GRIK2: variants seen among roughly 807,000 people sequenced by gnomAD.
GRIK2 encodes glutamate receptor ionotropic, kainate 2.
Under a neutral mutation model 100.3 loss-of-function variants are expected in GRIK2, and 32 were observed. The observed-to-expected ratio is 0.32, with a 90% CI of 0.24 to 0.43. GRIK2 has a LOEUF of 0.43. GRIK2 is among the 20% of genes least tolerant of loss of function. The pLI is 1.00. For missense variants in GRIK2, 843 were observed against 1,114.9 expected (o/e 0.76, Z 3.47); for synonymous variants, 417 against 389.4 (o/e 1.07, Z -0.83).
intron 7 of GRIK2, among the ~76,000 whole-genome samples, chr6:101,725,820 A>G (rs1774823761): frequency 6.6e-6 from 1 of 151,960 alleles, no homozygotes; most frequent in Non-Finnish European, 1.5e-5. Flanking sequence ...ATGTTTTTCA[A>G]ATGACATATT....
At chr6:101,548,535 A>C (rs1441129311) in intron 2 of GRIK2, among the ~76,000 whole-genome samples, 2 of 152,214 alleles carry the variant, frequency 1.3e-5, no homozygotes, top group Non-Finnish European at 2.9e-5. Context: ...AGCTTTCTAC[A>C]TATGGCTAGC....
intron 2 of GRIK2, among the ~76,000 whole-genome samples, chr6:101,612,622 C>T (rs1390592138): frequency 6.6e-6 from 1 of 151,628 alleles, no homozygotes; most frequent in Admixed American, 6.6e-5. Flanking sequence ...ACAATTAGTT[C>T]AGTGCAGTTA....
At chr6:101,864,639 A>G (rs1284818066) in intron 11 of GRIK2, among the ~76,000 whole-genome samples, 1 of 152,078 alleles carries the variant, frequency 6.6e-6, no homozygotes, top group African/African-American at 2.4e-5. Context: ...AAAAGTAGTT[A>G]TTATTATTAT....
intron 7 of GRIK2, among the ~76,000 whole-genome samples, chr6:101,703,562 G>C (rs536280919): frequency 1.3e-5 from 2 of 151,790 alleles, no homozygotes; most frequent in African/African-American, 2.4e-5. Context: ...AATGTGAGGT[G>C]AGAGAGAAGA....
At chr6:101,839,739 T>C (rs1403016584) in intron 10 of GRIK2, among the ~76,000 whole-genome samples, 1 of 152,138 alleles carries the variant, frequency 6.6e-6, no homozygotes, top group African/African-American at 2.4e-5. Context: ...TTGTAAGATA[T>C]ATGGGGGAAA....
At chr6:101,990,679 T>C (rs1338211041) in intron 14 of GRIK2, among the ~76,000 whole-genome samples, 1 of 151,566 alleles carries the variant, frequency 6.6e-6, no homozygotes, top group Non-Finnish European at 1.5e-5. Context: ...AGGGAGGATT[T>C]TGAGGGTGCT....
rs375902879 is a variant in GRIK2 at position 102,068,601 on chromosome 6, C to A, written c.*90C>A. 1 of 1,145,548 alleles carries A rather than the reference C, an allele frequency of 8.7e-7. No individual in the cohort carries two copies. Among genetic ancestry groups the A allele is most frequent in the Non-Finnish European group, 1.3e-6 (1 of 796,868 alleles). The allele number at this position is 1,145,548 out of a possible 1,614,324, so 71.0% of individuals were successfully genotyped here. ...TTCCTGTGGAAATATGCAACCTGTG[C>A]AAAATAAAATGAGTTACCTCATGCC... On this transcript the variant is annotated 3_prime_UTR_variant, in exon 17 of 17. Coordinates refer to ENST00000369134, the MANE Select transcript of GRIK2 (RefSeq NM_021956.5).
chr6:101,934,966 T>C (rs967691277), intron 14 of GRIK2, among the ~76,000 whole-genome samples: 12 of 152,008 alleles, frequency 7.9e-5, no homozygotes, highest in African/African-American at 2.7e-4. Flanking sequence ...TTTTTGAATT[T>C]TAGATATGTT....
chr6:101,865,172 C>T (rs574968321), intron 11 of GRIK2, among the ~76,000 whole-genome samples: 2 of 152,280 alleles, frequency 1.3e-5, no homozygotes, highest in South Asian at 4.1e-4. Flanking sequence ...GCTTAGAAAA[C>T]AACTATAGTA....
At chr6:101,506,266 T>C (rs931224025) in intron 2 of GRIK2, among the ~76,000 whole-genome samples, 4 of 152,244 alleles carry the variant, frequency 2.6e-5, no homozygotes, top group Admixed American at 1.3e-4. Flanking sequence ...TGGGACTTTT[T>C]TTCTTCCAAG....
intron 7 of GRIK2, among the ~76,000 whole-genome samples, chr6:101,785,371 C>T (rs758346873): frequency 6.6e-6 from 1 of 152,062 alleles, no homozygotes; most frequent in African/African-American, 2.4e-5. Context: ...CTTTTGGGTC[C>T]TTAGCCATAG....
chr6:101,653,665 C>T (rs184196492), intron 4 of GRIK2, among the ~76,000 whole-genome samples: 1 of 151,986 alleles, frequency 6.6e-6, no homozygotes, highest in Non-Finnish European at 1.5e-5. Flanking sequence ...ACTTGTTGCC[C>T]AGGCTGGAGT....
At chr6:102,036,409 A>G (rs561202170) in intron 15 of GRIK2, among the ~76,000 whole-genome samples, 1 of 151,498 alleles carries the variant, frequency 6.6e-6, no homozygotes, top group African/African-American at 2.4e-5. Context: ...TTGAATATGT[A>G]TCATAGCAAA....
chr6:101,483,072 A>T (rs190768959), intron 2 of GRIK2, among the ~76,000 whole-genome samples: 1 of 152,232 alleles, frequency 6.6e-6, no homozygotes, highest in African/African-American at 2.4e-5. Context: ...CTTTACAAAT[A>T]CATAGCAACA....
At chr6:101,791,859 A>T (rs537990967) in intron 7 of GRIK2, among the ~76,000 whole-genome samples, 5 of 151,166 alleles carry the variant, frequency 3.3e-5, no homozygotes, top group Admixed American at 1.3e-4. Context: ...TTTTTAGGTC[A>T]CTCAGGACTT....
chr6:101,535,620 C>T (rs954850837), intron 2 of GRIK2, among the ~76,000 whole-genome samples: 5 of 151,652 alleles, frequency 3.3e-5, no homozygotes, highest in South Asian at 4.1e-4. Flanking sequence ...ACTGAATTAA[C>T]TCTAGTATGA....
At chr6:101,791,927 C>A (rs1483040207) in intron 7 of GRIK2, among the ~76,000 whole-genome samples, 3 of 152,030 alleles carry the variant, frequency 2.0e-5, no homozygotes, top group African/African-American at 7.3e-5. Context: ...ATAGTTATCT[C>A]TTCTTGTTGA....
chr6:101,540,349 C>A (rs6931288), intron 2 of GRIK2, among the ~76,000 whole-genome samples: 51,497 of 151,394 alleles, frequency 0.34, 9,038 homozygotes, highest in South Asian at 0.46. Flanking sequence ...CAATAGGGTG[C>A]CCATAGTCAA....
chr6:101,625,331 C>A (rs970841806), intron 3 of GRIK2, among the ~76,000 whole-genome samples: 3 of 151,814 alleles, frequency 2.0e-5, no homozygotes, highest in Non-Finnish European at 2.9e-5. Context: ...TGAGATCACA[C>A]CACTGCACTC....
Sources: gnomAD v4.1 joint callset for allele counts (sites outside exome capture counted in the v4.1 genomes callset) on GRCh38, gnomAD v4.1.1 for gene constraint, MANE v1.5 for transcripts, NCBI Gene and HGNC (gene_info 2026-07-23, HGNC 2026-07-21) for gene names.